The following MTERF4 variants were observed in gnomAD, a reference collection of about 807,000 sequenced individuals.
MTERF4 encodes mitochondrial transcription termination factor 4.
A neutral mutation model predicts 22.5 loss-of-function variants in MTERF4; 17 were observed. That is an observed-to-expected ratio of 0.75 (90% CI 0.52 to 1.13). The LOEUF (loss-of-function observed/expected upper bound fraction) is 1.13, where lower values mean the gene tolerates loss of function less well. Among genes scored for constraint, MTERF4 ranks in the 50% most tolerant of loss-of-function variants. MTERF4 has a pLI of 0.00. For synonymous variants in MTERF4, 165 were observed against 175.3 expected, an observed-to-expected ratio of 0.94 and a Z score of 0.47; for missense variants, 420 against 466.8, an observed-to-expected ratio of 0.90 and a Z score of 0.92.
chr2:241,064,850 AC>A, the MTERF4 span: 1 of 1,584,802 alleles, frequency 6.3e-7, no homozygotes, highest in Non-Finnish European at 8.5e-7. The surrounding 1 kb of genome is among the most constrained non-coding windows in gnomAD (Gnocchi z 7.0). Context: ...TCAGTGAGTG[AC>A]CCCTGCTTCT....
At chr2:241,055,099 A>G in the MTERF4 span, among the ~76,000 whole-genome samples, 17 of 151,806 alleles carry the variant, frequency 1.1e-4, no homozygotes, top group Admixed American at 9.8e-4. Context: ...CTTGGGTGAT[A>G]GAGTAAGACT....
Position 241,096,385 on chromosome 2 carries a change from G to A in MTERF4, c.759C>T (p.Tyr253=). The part of the protein sequence containing the change: ...IKHPDIVKSE[Y]LQYSLTKIKQ... Reference sequence around the variant, plus strand: ...TAATCTTGGTTAGTGAATACTGCAAGTACTCACTCTTTACAATGTCTGGAT... The same window carrying A: ...TAATCTTGGTTAGTGAATACTGCAAATACTCACTCTTTACAATGTCTGGAT... Residue 253 remains tyrosine (Y), a synonymous_variant, in exon 4 of 4, where the codon TAC becomes TAT. Transcript: ENST00000391980. The surrounding 1 kb of genome is among the most constrained non-coding windows in gnomAD (Gnocchi z 5.1). 1 of 1,614,164 alleles carries A rather than the reference G, an allele frequency of 6.2e-7. No individual in the cohort carries two copies. Among genetic ancestry groups the A allele is most frequent in the Admixed American group, 1.7e-5 (1 of 60,022 alleles).
the MTERF4 span, among the ~76,000 whole-genome samples, chr2:241,057,665 C>G: frequency 6.6e-6 from 1 of 151,928 alleles, no homozygotes; most frequent in Non-Finnish European, 1.5e-5. Context: ...GCCTGGGTGA[C>G]AGCAAGACCC....
chr2:241,062,993 C>A, the MTERF4 span: 1 of 827,426 alleles, frequency 1.2e-6, no homozygotes, highest in Non-Finnish European at 1.8e-6. Context: ...AGGTCTCTGT[C>A]TGGATGGCCA....
chr2:241,088,677 GA>G, downstream of MTERF4: 1 of 461,874 alleles, frequency 2.2e-6, no homozygotes, highest in Non-Finnish European at 3.8e-6. Context: ...TCTCTCAAGG[GA>G]AATGTGGCCA....
exon 5 of MTERF4, chr2:241,072,211 CTTTG>C: frequency 1.8e-6 from 1 of 551,326 alleles, no homozygotes. Context: ...GGGCTCTGAG[CTTTG>C]TTTTAGTAAA....
At chr2:241,070,299 G>A (rs147257769), downstream of MTERF4, 29 of 1,289,096 alleles carry the variant, frequency 2.2e-5, no homozygotes, top group African/African-American at 4.2e-4. Context: ...TGGGATGCCA[G>A]GCAGACAGCC....
chr2:241,088,611 AC>A, downstream of MTERF4: 1 of 573,812 alleles, frequency 1.7e-6, no homozygotes, highest in Non-Finnish European at 3.1e-6. Flanking sequence ...CTAGCCACTG[AC>A]AAATACACCT....
At chr2:241,052,425 C>T in the MTERF4 span, 3 of 1,607,938 alleles carry the variant, frequency 1.9e-6, no homozygotes, top group Admixed American at 5.1e-5. Flanking sequence ...CGGATTTCTT[C>T]TGCCACTGCC....
chr2:241,047,282 A>G, the MTERF4 span, among the ~76,000 whole-genome samples: 2 of 152,084 alleles, frequency 1.3e-5, no homozygotes, highest in African/African-American at 4.8e-5. Context: ...TTTTATAACG[A>G]TAGAGGGGTC....
downstream of MTERF4, chr2:241,090,361 C>G: frequency 6.5e-7 from 1 of 1,550,328 alleles, no homozygotes; most frequent in Non-Finnish European, 8.7e-7. Flanking sequence ...CCTCCTGTGA[C>G]AATGATGCCT....
chr2:241,071,627 G>A (rs182099291), downstream of MTERF4: 1,216 of 1,586,268 alleles, frequency 7.7e-4, 2 homozygotes, highest in Non-Finnish European at 9.6e-4. Flanking sequence ...CACCACCCTC[G>A]GGTGCTCAAG....
chr2:241,069,246 G>C (rs554460984), downstream of MTERF4, among the ~76,000 whole-genome samples: 1 of 152,284 alleles, frequency 6.6e-6, no homozygotes, highest in East Asian at 1.9e-4. This position sits in a 1 kb window ranked among gnomAD's most constrained non-coding sequence, Gnocchi z 4.9. Flanking sequence ...ATCTCTAAAG[G>C]CTCCTGGTAG....
the MTERF4 span, chr2:241,048,651 CTT>C: frequency 3.7e-6 from 6 of 1,601,220 alleles, no homozygotes; most frequent in Middle Eastern, 1.6e-4. Flanking sequence ...TCCTCCCTCT[CTT>C]CGTGGCAGGA....
intron 4 of MTERF4, among the ~76,000 whole-genome samples, chr2:241,081,487 G>A (rs563656320): frequency 6.6e-6 from 1 of 152,284 alleles, no homozygotes. Context: ...CCTCACCTCT[G>A]CTCTCTCTCA....
chr2:241,080,993 C>G (rs146856350), intron 4 of MTERF4, among the ~76,000 whole-genome samples: 1,674 of 152,310 alleles, frequency 0.011, 17 homozygotes, highest in South Asian at 0.022. Flanking sequence ...ATGTCTTGCT[C>G]GAGCCATCAG....
At chr2:241,047,375 A>T in the MTERF4 span, among the ~76,000 whole-genome samples, 1 of 152,284 alleles carries the variant, frequency 6.6e-6, no homozygotes, top group East Asian at 1.9e-4. Flanking sequence ...CTGAACTGCA[A>T]GGAGAAATAG....
chr2:241,094,533 C>T (rs927108749), downstream of MTERF4: 3 of 370,224 alleles, frequency 8.1e-6, no homozygotes, highest in Admixed American at 7.6e-5. This position sits in a 1 kb window ranked among gnomAD's most constrained non-coding sequence, Gnocchi z 4.3. Flanking sequence ...GAAAGGAACC[C>T]GGCTGAAAAA....
At chr2:241,081,390 T>C (rs2063320693) in intron 4 of MTERF4, among the ~76,000 whole-genome samples, 2 of 152,160 alleles carry the variant, frequency 1.3e-5, no homozygotes, top group African/African-American at 2.4e-5. Context: ...TCCCTCCCTC[T>C]CCCTCCTCCT....
Sources: allele counts gnomAD v4.1 joint callset (sites outside exome capture counted in the v4.1 genomes callset), GRCh38; gene constraint gnomAD v4.1.1; non-coding constraint Gnocchi (gnomAD v3.1); transcripts MANE v1.5; gene names NCBI Gene and HGNC (gene_info 2026-07-23, HGNC 2026-07-21).